Variants in TNFRSF10B observed in about 807,000 individuals in gnomAD.
TNFRSF10B encodes the protein TNF receptor superfamily member 10b.
Under a neutral mutation model 41.4 loss-of-function variants are expected in TNFRSF10B, and 35 were observed. That is an observed-to-expected ratio of 0.85 (90% CI 0.65 to 1.12). The LOEUF (loss-of-function observed/expected upper bound fraction) is 1.12. Among genes scored for constraint, TNFRSF10B ranks in the 50% most tolerant of loss-of-function variants. TNFRSF10B has a pLI of 0.00. For synonymous variants in TNFRSF10B, 230 were observed against 215.5 expected (o/e 1.07, Z -0.59); for missense variants, 584 against 552.7 (o/e 1.06, Z -0.57).
chr8:23,066,805 G>A (rs1001422337), intron 1 of TNFRSF10B, among the ~76,000 whole-genome samples: 2 of 151,998 alleles, frequency 1.3e-5, no homozygotes, highest in Non-Finnish European at 2.9e-5. Flanking sequence ...GCTGAGGCAG[G>A]AGAATGGCGT....
intron 1 of TNFRSF10B, among the ~76,000 whole-genome samples, chr8:23,061,329 CTTGG>C (rs1326175266): frequency 6.6e-6 from 1 of 152,158 alleles, no homozygotes; most frequent in African/African-American, 2.4e-5. Context: ...TTTCTTACCA[CTTGG>C]TTTGAAATCT....
chr8:23,024,084 G>GAGTATTC, intron 8 of TNFRSF10B, 104 bp downstream of exon 8: 1 of 1,458,404 alleles, frequency 6.9e-7, no homozygotes, highest in Non-Finnish European at 9.6e-7. Flanking sequence ...ACGGCTTCCA[G>GAGTATTC]CATGGAATAC....
chr8:23,042,378 T>C (rs1585216650), intron 2 of TNFRSF10B, among the ~76,000 whole-genome samples: 1 of 152,310 alleles, frequency 6.6e-6, no homozygotes, highest in Middle Eastern at 3.4e-3. Context: ...GAAACCTTCA[T>C]GCAGCAATCA....
rs910708757 is a variant in TNFRSF10B at position 23,065,065 on chromosome 8, C to T, written c.144+3686G>A. ...GAGGTGACAGTGGTGGGACCTCATGCTTCCTGATAGTTATTTAGGTCCCTG... is the reference window on the plus strand; with the variant it reads ...GAGGTGACAGTGGTGGGACCTCATGTTTCCTGATAGTTATTTAGGTCCCTG... On this transcript the variant is annotated intron_variant, in intron 1 of 8. Transcript: ENST00000276431. 2.0e-5 allele frequency among the ~76,000 whole-genome samples: 3 copies of T among 152,180 alleles called. No individual in the cohort carries two copies. In the South Asian group the frequency reaches 6.2e-4, roughly 32 times the overall value.
At chr8:23,027,857 G>A in intron 5 of TNFRSF10B, 104 bp from the exon 6 acceptor site, 1 of 1,415,730 alleles carries the variant, frequency 7.1e-7, no homozygotes, top group South Asian at 1.2e-5. Flanking sequence ...TGGGACACTG[G>A]ACAAGGAGCC....
intron 1 of TNFRSF10B, among the ~76,000 whole-genome samples, chr8:23,067,316 A>G (rs187042185): frequency 9.7e-4 from 148 of 152,232 alleles, no homozygotes; most frequent in Non-Finnish European, 1.8e-3. Context: ...CAAGGAGAAC[A>G]TAAACTCTAA....
At chr8:23,050,295 T>C (rs949596174) in intron 1 of TNFRSF10B, among the ~76,000 whole-genome samples, 2 of 152,140 alleles carry the variant, frequency 1.3e-5, no homozygotes, top group Middle Eastern at 3.4e-3. Context: ...TTCCATTTGT[T>C]TGTGTGTCTG....
intron 1 of TNFRSF10B, among the ~76,000 whole-genome samples, chr8:23,067,543 C>G (rs1355174419): frequency 1.3e-5 from 2 of 152,212 alleles, no homozygotes; most frequent in East Asian, 1.9e-4. Flanking sequence ...GATCCACCAC[C>G]CAAAGAGAGG....
At chr8:23,038,460 T>C (rs1812083651) in intron 2 of TNFRSF10B, among the ~76,000 whole-genome samples, 1 of 152,238 alleles carries the variant, frequency 6.6e-6, no homozygotes, top group Non-Finnish European at 1.5e-5. Context: ...TTCTTCCTTA[T>C]TGTGTTATGT....
At chr8:23,056,725 A>G (rs1303963936) in intron 1 of TNFRSF10B, among the ~76,000 whole-genome samples, 1 of 151,984 alleles carries the variant, frequency 6.6e-6, no homozygotes, top group Non-Finnish European at 1.5e-5. Flanking sequence ...TATATTTTGA[A>G]ATATTTTTGT....
At chr8:23,044,433 A>T (rs1000569054) in intron 1 of TNFRSF10B, among the ~76,000 whole-genome samples, 1 of 152,332 alleles carries the variant, frequency 6.6e-6, no homozygotes, top group East Asian at 1.9e-4. Flanking sequence ...TAAAAGGTTA[A>T]TATCTAAAAT....
chr8:23,067,390 A>C (rs1445657276), intron 1 of TNFRSF10B, among the ~76,000 whole-genome samples: 1 of 152,178 alleles, frequency 6.6e-6, no homozygotes, highest in Non-Finnish European at 1.5e-5. Context: ...AAATCTTCCA[A>C]GTAGAAAGAA....
At chr8:23,043,587 C>A (rs1395433842) in intron 1 of TNFRSF10B, among the ~76,000 whole-genome samples, 1 of 152,108 alleles carries the variant, frequency 6.6e-6, no homozygotes, top group Non-Finnish European at 1.5e-5. Context: ...CATAGGTATG[C>A]CTATTCTCTC....
At chr8:23,052,374 C>T (rs906978527) in intron 1 of TNFRSF10B, among the ~76,000 whole-genome samples, 9 of 151,484 alleles carry the variant, frequency 5.9e-5, no homozygotes, top group African/African-American at 1.2e-4. Flanking sequence ...CAAGCTCCAC[C>T]TCCCAGGTTC....
At chr8:23,028,207 A>G (rs1811768070) in intron 5 of TNFRSF10B, 124 bp downstream of exon 5, 1 of 1,338,910 alleles carries the variant, frequency 7.5e-7, no homozygotes, top group South Asian at 1.2e-5. Flanking sequence ...CACGAGGAGG[A>G]GGATAGAGCC....
At chr8:23,034,670 G>A (rs1811978640) in intron 2 of TNFRSF10B, among the ~76,000 whole-genome samples, 1 of 152,212 alleles carries the variant, frequency 6.6e-6, no homozygotes, top group African/African-American at 2.4e-5. Flanking sequence ...AAGCTGCAGT[G>A]TGCTATGATT....
chr8:23,026,911 C>T (rs1027931845), intron 7 of TNFRSF10B, among the ~76,000 whole-genome samples: 46 of 152,106 alleles, frequency 3.0e-4, no homozygotes, highest in African/African-American at 8.2e-4. Flanking sequence ...GCTCCAGGCT[C>T]GGGGGACACA....
At chr8:23,051,438 T>G (rs1033109792) in intron 1 of TNFRSF10B, among the ~76,000 whole-genome samples, 1 of 152,222 alleles carries the variant, frequency 6.6e-6, no homozygotes, top group Non-Finnish European at 1.5e-5. Flanking sequence ...TACAAAACTA[T>G]AATTCAGTGC....
chr8:23,047,721 T>C (rs1039112424), intron 1 of TNFRSF10B, among the ~76,000 whole-genome samples: 1 of 152,132 alleles, frequency 6.6e-6, no homozygotes, highest in African/African-American at 2.4e-5. Context: ...TTGGTGAGGA[T>C]ATGGAGAAAA....
Sources: allele counts gnomAD v4.1 joint callset (sites outside exome capture counted in the v4.1 genomes callset), GRCh38; gene constraint gnomAD v4.1.1; transcripts MANE v1.5; gene names NCBI Gene and HGNC (gene_info 2026-07-23, HGNC 2026-07-21).